SPRED1: variants seen among roughly 807,000 people sequenced by gnomAD.
The protein encoded by SPRED1 is sprouty related EVH1 domain containing 1.
In SPRED1, 18 loss-of-function variants were observed where a neutral mutation model predicts 52.3. The observed-to-expected ratio is 0.34, with a 90% confidence interval of 0.24 to 0.51. The LOEUF (loss-of-function observed/expected upper bound fraction) is 0.51. Ranked by LOEUF, SPRED1 falls within the 20% of genes least tolerant of loss-of-function variation. SPRED1 has a pLI of 0.97. For synonymous variants in SPRED1, 155 were observed against 179.7 expected, an observed-to-expected ratio of 0.86 and a Z score of 1.10; for missense variants, 485 against 551.0, an observed-to-expected ratio of 0.88 and a Z score of 1.20.
In SPRED1 at chr15:38,279,921, T is replaced by G. The variant is rs2140963636; in HGVS notation, c.33-19452T>G. On this transcript the variant is annotated intron_variant, in intron 1 of 6. Coordinates refer to ENST00000299084, the MANE Select transcript of SPRED1 (RefSeq NM_152594.3). ...GTTTGGATTAGGAGAGGGCTTTGAT[T>G]AGCATCTTTTCTTCCTTAATTTTAT... Among the ~76,000 whole-genome samples the G allele has an allele frequency of 2.6e-5, 4 of 152,282 alleles. No homozygotes were observed. The Middle Eastern group carries it at 0.014, about 518-fold the overall frequency.
At position 38,337,914 on chromosome 15, in the gene SPRED1, A is replaced by G. The variant is rs373719074; in HGVS notation, c.424-1823A>G. Among the ~76,000 whole-genome samples, 57 of 151,812 alleles carry G rather than the reference A, an allele frequency of 3.8e-4. No homozygotes were observed. The East Asian group carries it at 0.011, about 29-fold the overall frequency. On this transcript the variant is annotated intron_variant, in intron 4 of 6. Transcript: ENST00000299084. ...CCTGAGATTATTGAGGCAGATATTC[A>G]ATTTATAATAAAAAGAAATTGTGCG...
In SPRED1 at chr15:38,312,093, A is replaced by G. The variant is rs567007961; in HGVS notation, c.208-10148A>G. Among the ~76,000 whole-genome samples, 167 of 152,242 alleles carry G rather than the reference A, an allele frequency of 1.1e-3. 5 individuals are homozygous for G. In the South Asian group the frequency reaches 0.034, roughly 31 times the overall value. On this transcript the variant is annotated intron_variant, in intron 2 of 6. Coordinates refer to ENST00000299084, the MANE Select transcript of SPRED1 (RefSeq NM_152594.3). ...ATTATTTATTAAATTATTCAAATTT[A>G]TACATACTTTTTTGTTTAACTTTCA...
intron 5 of SPRED1, 22 bp from the exon 6 acceptor site, chr15:38,349,400 G>A (rs1225219929): frequency 6.5e-7 from 1 of 1,548,006 alleles, no homozygotes; most frequent in Non-Finnish European, 8.9e-7. Context: ...TGTCATTTAA[G>A]TAGAAATTGT....
At chr15:38,341,087 T>C (rs1046446045) in intron 5 of SPRED1, among the ~76,000 whole-genome samples, 1 of 151,688 alleles carries the variant, frequency 6.6e-6, no homozygotes, top group African/African-American at 2.4e-5. Context: ...TCTTTTTGTG[T>C]CAGCTATGAC....
intron 1 of SPRED1, among the ~76,000 whole-genome samples, chr15:38,297,653 A>G (rs1895066180): frequency 6.7e-6 from 1 of 149,766 alleles, no homozygotes; most frequent in Admixed American, 6.7e-5. Context: ...ATAATAGATA[A>G]TTATGGTTGA....
At position 38,253,176 on chromosome 15, in the gene SPRED1, T is replaced by C. The variant is rs1389444338; in HGVS notation, c.-10T>C. 2 of 1,577,356 alleles carry C rather than the reference T, an allele frequency of 1.3e-6. No individual in the cohort carries two copies. Among genetic ancestry groups the C allele is most frequent in the East Asian group, 2.3e-5 (1 of 42,958 alleles). On this transcript the variant is annotated 5_prime_UTR_variant, in exon 1 of 7. The change abolishes the stop of an existing upstream ORF in the 5' untranslated region. Coordinates refer to ENST00000299084, the MANE Select transcript of SPRED1 (RefSeq NM_152594.3). ...CCTCCATCTCCAGATCGGATCACGGTGAGGGAAAGATGAGCGAGGAGACGG... is the reference window on the plus strand; with the variant it reads ...CCTCCATCTCCAGATCGGATCACGGCGAGGGAAAGATGAGCGAGGAGACGG...
At chr15:38,288,608 G>T (rs1894857015) in intron 1 of SPRED1, among the ~76,000 whole-genome samples, 1 of 152,166 alleles carries the variant, frequency 6.6e-6, no homozygotes, top group Non-Finnish European at 1.5e-5. Flanking sequence ...ACAGCGTCTA[G>T]AGCCCCACGG....
At chr15:38,265,816 A>C (rs16966575) in intron 1 of SPRED1, among the ~76,000 whole-genome samples, 32,005 of 151,998 alleles carry the variant, frequency 0.21, 3,936 homozygotes, top group South Asian at 0.27. Flanking sequence ...GGCAAGCAGA[A>C]ATCTATTTTC....
chr15:38,346,727 A>C (rs971443396), intron 5 of SPRED1, among the ~76,000 whole-genome samples: 6 of 152,172 alleles, frequency 3.9e-5, no homozygotes, highest in African/African-American at 1.4e-4. Context: ...TCTTGTCCGC[A>C]GCTATTCATG....
At chr15:38,318,451 C>T (rs1030278780) in intron 2 of SPRED1, among the ~76,000 whole-genome samples, 2 of 151,994 alleles carry the variant, frequency 1.3e-5, no homozygotes, top group African/African-American at 4.8e-5. Context: ...GATTTATTTA[C>T]AATTTCATCT....
At chr15:38,334,995 A>G (rs369700759) in intron 4 of SPRED1, among the ~76,000 whole-genome samples, 3 of 151,672 alleles carry the variant, frequency 2.0e-5, no homozygotes, top group Non-Finnish European at 4.4e-5. Context: ...ATTACTACCT[A>G]TTTTTTACAT....
At chr15:38,345,995 A>T (rs12443439) in intron 5 of SPRED1, among the ~76,000 whole-genome samples, 1 of 152,112 alleles carries the variant, frequency 6.6e-6, no homozygotes, top group South Asian at 2.1e-4. Flanking sequence ...TTAAATAGGC[A>T]TTGCCAGTAT....
intron 1 of SPRED1, among the ~76,000 whole-genome samples, chr15:38,297,352 A>C (rs1895061158): frequency 2.0e-5 from 3 of 152,228 alleles, no homozygotes; most frequent in Non-Finnish European, 1.5e-5. Flanking sequence ...GCTAGCCCAC[A>C]AATGTGGTTA....
In SPRED1 at chr15:38,324,765, T is replaced by A; in HGVS notation, c.379T>A (p.Cys127Ser). Residue 127 changes from cysteine (C) to serine (S), a missense_variant and splice_region_variant, in exon 4 of 7, where the codon TGC (cysteine) becomes AGC (serine). Physicochemically the swap from Cys to Ser is moderately radical, Grantham distance 112. This residue lies in a region of SPRED1 where 232 missense variants were observed against 231.8 expected (regional missense o/e 1.00). Transcript: ENST00000299084. ...RRAIEDISQGCPESKNEAEGA... is the reference protein window; with the variant it reads ...RRAIEDISQGSPESKNEAEGA... ...TTAACTTTTATCTATTTTCTTAGGA[T>A]GCCCCGAATCAAAAAATGAAGCTGA... 1 of 1,607,902 alleles carries A rather than the reference T, an allele frequency of 6.2e-7. No individual in the cohort carries two copies. Among genetic ancestry groups the A allele is most frequent in the East Asian group, 2.2e-5 (1 of 44,666 alleles).
At chr15:38,280,082 A>T (rs1239493221) in intron 1 of SPRED1, among the ~76,000 whole-genome samples, 1 of 152,060 alleles carries the variant, frequency 6.6e-6, no homozygotes, top group Admixed American at 6.6e-5. Context: ...GCCTTGGTCA[A>T]TTTTTTCCTA....
At chr15:38,272,295 G>T (rs1480059959) in intron 1 of SPRED1, among the ~76,000 whole-genome samples, 2 of 31,138 alleles carry the variant, frequency 6.4e-5, no homozygotes, top group Non-Finnish European at 1.7e-4. Context: ...TTGAGATGAA[G>T]TCTTGCTCTG....
intron 2 of SPRED1, 45 bp downstream of exon 2, chr15:38,299,592 A>T: frequency 6.4e-7 from 1 of 1,564,184 alleles, no homozygotes; most frequent in Non-Finnish European, 8.8e-7. Context: ...ATAATGAATT[A>T]TCTGTTTAAA....
intron 4 of SPRED1, among the ~76,000 whole-genome samples, chr15:38,329,514 C>CTT (rs1895770039): frequency 6.6e-6 from 1 of 152,116 alleles, no homozygotes; most frequent in Non-Finnish European, 1.5e-5. Flanking sequence ...ATACTGCAAG[C>CTT]TATCACAATC....
At position 38,283,586 on chromosome 15, in the gene SPRED1, A is replaced by G. The variant is rs1046657520; in HGVS notation, c.33-15787A>G. ...TAGAAAATTGTAGAAAATGAAAAATATAATTGATGGAGAATATTTACTTCA... is the reference window on the plus strand; with the variant it reads ...TAGAAAATTGTAGAAAATGAAAAATGTAATTGATGGAGAATATTTACTTCA... On this transcript the variant is annotated intron_variant, in intron 1 of 6. Transcript: ENST00000299084. 18 of 735,092 alleles carry G rather than the reference A, an allele frequency of 2.4e-5. No individual in the cohort carries two copies. The African/African-American group carries it at 2.9e-4, about 12-fold the overall frequency. 45.5% of individuals were successfully genotyped at this position (735,092 alleles called of 1,614,324 possible). A position where few individuals can be genotyped will look rare whatever the true frequency, so the allele number is the denominator to read the frequency against.
Sources: allele counts gnomAD v4.1 joint callset (sites outside exome capture counted in the v4.1 genomes callset), GRCh38; gene constraint gnomAD v4.1.1; regional missense constraint gnomAD v4.1.1; transcripts MANE v1.5; gene names NCBI Gene and HGNC (gene_info 2026-07-23, HGNC 2026-07-21).